EIPR1: variants seen among roughly 807,000 people sequenced by gnomAD.
EIPR1 encodes the protein EARP and GARP complex-interacting protein 1.
A neutral mutation model predicts 48.1 loss-of-function variants in EIPR1; 25 were observed. The observed-to-expected ratio is 0.52, with a 90% confidence interval of 0.38 to 0.73. The LOEUF (loss-of-function observed/expected upper bound fraction) is 0.73. Among genes scored for constraint, EIPR1 ranks in the 30% least tolerant of loss-of-function variants. EIPR1 has a pLI of 0.00. For missense variants in EIPR1, 415 were observed against 506.2 expected, an observed-to-expected ratio of 0.82 and a Z score of 1.73; for synonymous variants, 204 against 201.9, an observed-to-expected ratio of 1.01 and a Z score of -0.09.
In EIPR1 at chr2:3,195,395, TC is replaced by T. The variant is rs550682939; in HGVS notation, c.654-1230del. On this transcript the variant is annotated intron_variant, in intron 6 of 8. Coordinates refer to ENST00000382125, the MANE Select transcript of EIPR1 (RefSeq NM_003310.5). Reference sequence around the variant, plus strand: ...TGTGCCTTGTAATTTGCTTCCTTTATCTGAAGACCATCATTGTTCTCTGCTC... The same window carrying T: ...TGTGCCTTGTAATTTGCTTCCTTTATTGAAGACCATCATTGTTCTCTGCTC... 4.0e-4 allele frequency among the ~76,000 whole-genome samples: 61 copies of T among 152,334 alleles called. 2 individuals are homozygous for T. The South Asian group carries it at 0.012, about 31-fold the overall frequency.
intron 5 of EIPR1, among the ~76,000 whole-genome samples, chr2:3,197,934 T>C (rs1282949799): frequency 6.6e-6 from 1 of 152,014 alleles, no homozygotes; most frequent in Non-Finnish European, 1.5e-5. Context: ...AACGAGCTGC[T>C]AGACAGGCCG....
intron 3 of EIPR1, among the ~76,000 whole-genome samples, chr2:3,317,906 C>A (rs1669361712): frequency 6.6e-6 from 1 of 152,238 alleles, no homozygotes; most frequent in African/African-American, 2.4e-5. Context: ...AGCCTCCAGA[C>A]CCGGGAGGAA....
At chr2:3,223,390 T>C (rs1381197649) in intron 4 of EIPR1, among the ~76,000 whole-genome samples, 1 of 152,066 alleles carries the variant, frequency 6.6e-6, no homozygotes, top group Non-Finnish European at 1.5e-5. Flanking sequence ...CTCCCACTCA[T>C]GGGAATATGC....
chr2:3,238,858 T>C (rs868304756), intron 4 of EIPR1, among the ~76,000 whole-genome samples: 5 of 152,158 alleles, frequency 3.3e-5, no homozygotes, highest in African/African-American at 1.2e-4. Context: ...TCCGGCTCCT[T>C]ACATTCACCG....
At chr2:3,282,603 T>C (rs987116879) in intron 3 of EIPR1, 16 of 152,064 alleles carry the variant, frequency 1.1e-4, no homozygotes, top group African/African-American at 3.6e-4. Flanking sequence ...CCTGGCAGGG[T>C]GTGTGCTTTG....
At chr2:3,237,627 G>A (rs566236668) in intron 4 of EIPR1, among the ~76,000 whole-genome samples, 5 of 152,148 alleles carry the variant, frequency 3.3e-5, no homozygotes, top group East Asian at 1.9e-4. Context: ...CACATGGAAC[G>A]CGCTAAGAGG....
At chr2:3,224,755 G>A (rs1033488516) in intron 4 of EIPR1, among the ~76,000 whole-genome samples, 6 of 152,180 alleles carry the variant, frequency 3.9e-5, no homozygotes, top group African/African-American at 1.2e-4. Context: ...TGCACCTACC[G>A]AGCTGAACAT....
intron 3 of EIPR1, among the ~76,000 whole-genome samples, chr2:3,288,824 A>G (rs1668284038): frequency 6.6e-6 from 1 of 152,184 alleles, no homozygotes; most frequent in African/African-American, 2.4e-5. Context: ...GGGAGTGGGG[A>G]TGAAACCAGA....
At chr2:3,364,863 A>T (rs1670936214) in intron 1 of EIPR1, among the ~76,000 whole-genome samples, 1 of 152,206 alleles carries the variant, frequency 6.6e-6, no homozygotes, top group African/African-American at 2.4e-5. Context: ...AAAGTTGGTT[A>T]ATAGGTACAA....
At chr2:3,316,632 C>T (rs1558293548) in intron 3 of EIPR1, among the ~76,000 whole-genome samples, 1 of 152,214 alleles carries the variant, frequency 6.6e-6, no homozygotes, top group Non-Finnish European at 1.5e-5. Context: ...TTTCAACTTT[C>T]ACCCAGTTTT....
intron 7 of EIPR1, 138 bp from the exon 8 acceptor site, chr2:3,192,719 G>T: frequency 1.2e-6 from 1 of 807,648 alleles, no homozygotes; most frequent in Non-Finnish European, 1.9e-6. Context: ...CAGTCACAGG[G>T]CCTGACATAA....
intron 1 of EIPR1, among the ~76,000 whole-genome samples, chr2:3,367,026 C>T (rs1221751290): frequency 2.0e-5 from 3 of 150,050 alleles, no homozygotes; most frequent in Non-Finnish European, 4.4e-5. Flanking sequence ...GTCTGGGCCA[C>T]ACAGCGAGAC....
chr2:3,288,875 G>C (rs187438577), intron 3 of EIPR1, among the ~76,000 whole-genome samples: 2 of 152,334 alleles, frequency 1.3e-5, no homozygotes, highest in East Asian at 1.9e-4. Flanking sequence ...TGGGTAGGAG[G>C]GCCAGGTGAT....
intron 4 of EIPR1, among the ~76,000 whole-genome samples, chr2:3,256,289 C>T (rs1042943637): frequency 1.2e-4 from 18 of 152,298 alleles, no homozygotes; most frequent in African/African-American, 3.6e-4. Flanking sequence ...TCTTCAATTC[C>T]TCTAATAACA....
intron 4 of EIPR1, among the ~76,000 whole-genome samples, chr2:3,216,704 C>A (rs1161605862): frequency 2.6e-5 from 4 of 152,222 alleles, no homozygotes; most frequent in Non-Finnish European, 4.4e-5. Context: ...CTGAATCATA[C>A]ACCCCATCTA....
chr2:3,218,813 G>A (rs982833047), intron 4 of EIPR1, among the ~76,000 whole-genome samples: 4 of 149,352 alleles, frequency 2.7e-5, no homozygotes, highest in African/African-American at 9.9e-5. Context: ...ACACGGCCCT[G>A]ATACACTCTA....
chr2:3,361,418 A>C (rs1572485259), intron 1 of EIPR1, among the ~76,000 whole-genome samples: 6 of 146,270 alleles, frequency 4.1e-5, no homozygotes, highest in South Asian at 2.2e-4. Context: ...TTCTGCTCTC[A>C]CCTCTCTCTC....
chr2:3,336,650 C>G (rs981794709), intron 3 of EIPR1, among the ~76,000 whole-genome samples: 2 of 152,060 alleles, frequency 1.3e-5, no homozygotes, highest in Non-Finnish European at 2.9e-5. Context: ...CACCTGTAAT[C>G]CCAGCTACTC....
intron 4 of EIPR1, among the ~76,000 whole-genome samples, chr2:3,243,752 A>T (rs1666710803): frequency 1.3e-5 from 2 of 152,216 alleles, no homozygotes; most frequent in Admixed American, 1.3e-4. Context: ...CTAATCACCC[A>T]GCCCTCCATT....
Sources: gnomAD v4.1 joint callset for allele counts (sites outside exome capture counted in the v4.1 genomes callset) on GRCh38, gnomAD v4.1.1 for gene constraint, MANE v1.5 for transcripts, NCBI Gene and HGNC (gene_info 2026-07-23, HGNC 2026-07-21) for gene names.